The following MAP7D3 variants were observed in gnomAD, a reference collection of about 807,000 sequenced individuals.
MAP7D3 encodes the protein MAP7 domain containing 3.
Under a neutral mutation model 62.2 loss-of-function variants are expected in MAP7D3, and 45 were observed. That is an observed-to-expected ratio of 0.72 (90% CI 0.57 to 0.93). The LOEUF is 0.93. Ranked by LOEUF, MAP7D3 falls within the 40% of genes least tolerant of loss-of-function variation. MAP7D3 has a pLI of 0.00. For synonymous variants in MAP7D3, 288 were observed against 248.8 expected (o/e 1.16, Z -1.48); for missense variants, 711 against 683.1 (o/e 1.04, Z -0.45).
downstream of MAP7D3, chrX:136,214,775 T>C (rs2074051026): frequency 8.9e-6 from 1 of 112,330 alleles, no homozygotes; most frequent in Admixed American, 9.4e-5. Context: ...GAAAATGCGC[T>C]GATCTGCAGA....
At chrX:136,230,343 TTTCTGTG>T in intron 10 of MAP7D3, 35 bp downstream of exon 10, 1 of 800,358 alleles carries the variant, frequency 1.2e-6, no homozygotes, top group Non-Finnish European at 1.9e-6. Context: ...ACAGTAAGAT[TTTCTGTG>T]TTGCTAAGAT....
intron 1 of MAP7D3, 107 bp from the exon 2 acceptor site, chrX:136,246,448 T>A (rs2074450112): frequency 3.9e-6 from 2 of 514,600 alleles, no homozygotes; most frequent in Non-Finnish European, 6.6e-6. Context: ...ATAGGATCAC[T>A]TCTATAAATC....
chrX:136,230,784 T>C, intron 9 of MAP7D3, 55 bp downstream of exon 9: 1 of 1,142,526 alleles, frequency 8.8e-7, no homozygotes, highest in Non-Finnish European at 1.2e-6. Flanking sequence ...AACATTGACA[T>C]GGAATTTGTT....
intron 7 of MAP7D3, among the ~76,000 whole-genome samples, chrX:136,232,483 C>T (rs935958313): frequency 8.9e-6 from 1 of 112,257 alleles, no homozygotes; most frequent in South Asian, 3.7e-4. Flanking sequence ...TAAGATGCTT[C>T]TCCAAAGTTG....
intron 1 of MAP7D3, among the ~76,000 whole-genome samples, chrX:136,251,031 G>T (rs1246733926): frequency 8.9e-6 from 1 of 112,389 alleles, no homozygotes; most frequent in Non-Finnish European, 1.9e-5. Flanking sequence ...GGCTCAGACC[G>T]TTGGCAGCGG....
At chrX:136,219,722 C>G in intron 16 of MAP7D3, 51 bp from the exon 17 acceptor site, 1 of 962,613 alleles carries the variant, frequency 1.0e-6, no homozygotes, top group Non-Finnish European at 1.5e-6. Context: ...AACCAAGGCT[C>G]TGGCCTAAAA....
upstream of MAP7D3, among the ~76,000 whole-genome samples, chrX:136,253,838 C>T (rs917988063): frequency 1.8e-5 from 2 of 110,236 alleles, no homozygotes; most frequent in Admixed American, 1.9e-4. Context: ...AAAATAAAAA[C>T]ACAAGACAAA....
At chrX:136,224,792 T>G in intron 14 of MAP7D3, 35 bp downstream of exon 14, 2 of 1,019,489 alleles carry the variant, frequency 2.0e-6, no homozygotes, top group Non-Finnish European at 2.7e-6. Context: ...ACAAGAGGCA[T>G]TCTTATACAC....
chrX:136,239,855 C>T (rs1469436172), intron 6 of MAP7D3, among the ~76,000 whole-genome samples: 1 of 112,183 alleles, frequency 8.9e-6, no homozygotes, highest in Non-Finnish European at 1.9e-5. Context: ...GTTTCAGCTA[C>T]TGAGGTCCAA....
intron 6 of MAP7D3, among the ~76,000 whole-genome samples, chrX:136,236,849 T>C (rs899829056): frequency 4.5e-5 from 5 of 111,920 alleles, no homozygotes; most frequent in African/African-American, 1.3e-4. Flanking sequence ...TATCAACTTG[T>C]AGGCTCTAAC....
chrX:136,220,892 T>G lies in MAP7D3; in HGVS notation c.2359A>C (p.Lys787Gln), dbSNP rs1477221780. The G allele has an allele frequency of 3.6e-5, 44 of 1,205,640 alleles. No homozygotes were observed. In the East Asian group the frequency reaches 9.8e-4, roughly 27 times the overall value. ...PFNNAKKMTH[K>Q]LVFLEDGTSQ... ...GTACCATCTTCTAGAAATACCAGCT[T>G]GTGTGTCATTTTCTTGGCATTGTTG... The change falls in exon 16 of 19, where the codon AAG becomes CAG. Residue 787 changes from lysine to glutamine, a missense_variant. By Grantham distance (53) the Lys-to-Gln change is moderately conservative. Coordinates refer to ENST00000316077, the MANE Select transcript of MAP7D3 (RefSeq NM_024597.4).
Position 136,220,965 on chromosome X carries a change from T to A in MAP7D3, c.2288-2A>T, listed in dbSNP as rs2074119590. The A allele has an allele frequency of 8.6e-7, 1 of 1,162,690 alleles. No individual in the cohort carries two copies. The highest frequency in any genetic ancestry group is 1.8e-5 in the African/African-American group (1 of 55,929). On this transcript the variant is annotated splice_acceptor_variant, in intron 15 of 18. Transcript: ENST00000316077. LOFTEE classifies it high-confidence loss of function. ...GTGAGCCTGTGCCATTTAGAATGGC[T>A]AGGAAAAAAAATTACACAATTAAAT...
upstream of MAP7D3, chrX:136,251,447 G>T (rs1341724544): frequency 8.9e-5 from 73 of 823,189 alleles, no homozygotes; most frequent in African/African-American, 2.0e-3. Context: ...CCGGGCTGCC[G>T]GTGGGCGGGG....
At chrX:136,253,900 C>T (rs777331188), upstream of MAP7D3, among the ~76,000 whole-genome samples, 11 of 108,913 alleles carry the variant, frequency 1.0e-4, no homozygotes, top group East Asian at 3.0e-3. Flanking sequence ...TCCAGCTACT[C>T]GGGAGGCTAA....
downstream of MAP7D3, among the ~76,000 whole-genome samples, chrX:136,216,437 C>T (rs10126411): frequency 0.47 from 41,550 of 88,706 alleles, 8,678 homozygotes; most frequent in East Asian, 0.67. Flanking sequence ...AGAAAGAAGA[C>T]GAAGAGAAAA....
At chrX:136,232,837 G>T (rs1345202599) in intron 7 of MAP7D3, among the ~76,000 whole-genome samples, 4 of 111,772 alleles carry the variant, frequency 3.6e-5, no homozygotes, top group Non-Finnish European at 1.9e-5. Context: ...GGAAGAAAGC[G>T]ATTAATACCA....
Position 136,246,316 on chromosome X carries a change from C to G in MAP7D3, c.96G>C (p.Lys32Asn), listed in dbSNP as rs746325845. ...RMVAAANEIA[K>N]ERRKQDVVNR... is the part of the protein sequence containing the mutation. ...TAACCACATCTTGCTTCCTCCTTTC[C>G]TTAGCAATCTCGTTTGCTGCAGCAA... The change falls in exon 2 of 19, where the codon AAG becomes AAC. Residue 32 changes from lysine (K) to asparagine (N), a missense_variant. By Grantham distance (94) the Lys-to-Asn change is moderately conservative. Transcript: ENST00000316077. 4.3e-5 allele frequency: 51 copies of G among 1,196,023 alleles called. No homozygotes were observed. The East Asian group carries it at 1.5e-3, about 34-fold the overall frequency.
upstream of MAP7D3, among the ~76,000 whole-genome samples, chrX:136,252,695 A>G (rs5975708): frequency 7.4e-3 from 532 of 71,533 alleles, 10 homozygotes; most frequent in East Asian, 0.1. Context: ...AAAAAAAAAA[A>G]AAAAGAAAAG....
intron 6 of MAP7D3, among the ~76,000 whole-genome samples, chrX:136,239,627 T>C (rs1407240925): frequency 8.9e-6 from 1 of 112,123 alleles, no homozygotes; most frequent in Non-Finnish European, 1.9e-5. Flanking sequence ...ATAACAAATA[T>C]GATATATGTA....
Sources: allele counts gnomAD v4.1 joint callset (sites outside exome capture counted in the v4.1 genomes callset), GRCh38; gene constraint gnomAD v4.1.1; transcripts MANE v1.5; gene names NCBI Gene and HGNC (gene_info 2026-07-23, HGNC 2026-07-21).